Variants in ENPP6 observed in about 807,000 individuals in gnomAD.
ENPP6 encodes the protein ectonucleotide pyrophosphatase/phosphodiesterase 6.
A neutral mutation model predicts 42.0 loss-of-function variants in ENPP6; 32 were observed. That is an observed-to-expected ratio of 0.76 (90% CI 0.58 to 1.02). The LOEUF (loss-of-function observed/expected upper bound fraction) is 1.02. ENPP6 is among the 50% of genes least tolerant of loss of function. The probability of loss-of-function intolerance (pLI) is 0.00; values close to 1 mark genes in which losing one functional copy is unlikely to be tolerated. For synonymous variants in ENPP6, 213 were observed against 216.0 expected (o/e 0.99, Z 0.12); for missense variants, 552 against 566.8 (o/e 0.97, Z 0.27).
chr4:184,123,573 C>A (rs545656485), intron 3 of ENPP6, among the ~76,000 whole-genome samples: 3 of 152,168 alleles, frequency 2.0e-5, no homozygotes, highest in Non-Finnish European at 4.4e-5. Context: ...CCAGAGATTT[C>A]TGAGACTGAC....
chr4:184,207,770 C>A (rs988715844), intron 1 of ENPP6, among the ~76,000 whole-genome samples: 1 of 152,170 alleles, frequency 6.6e-6, no homozygotes, highest in African/African-American at 2.4e-5. Flanking sequence ...TGTATTCATT[C>A]GCTTGGGCTG....
chr4:184,139,379 A>C (rs1385749527), intron 2 of ENPP6, among the ~76,000 whole-genome samples: 1 of 150,866 alleles, frequency 6.6e-6, no homozygotes, highest in African/African-American at 2.4e-5. Flanking sequence ...ATTATACTTT[A>C]AGTTTTCGGG....
At chr4:184,134,119 C>T (rs1736688595) in intron 2 of ENPP6, among the ~76,000 whole-genome samples, 1 of 108,008 alleles carries the variant, frequency 9.3e-6, no homozygotes, top group South Asian at 3.1e-4. Context: ...ACACTAACCT[C>T]ATTATGGAAG....
At chr4:184,108,796 T>C (rs1337287242) in intron 6 of ENPP6, among the ~76,000 whole-genome samples, 1 of 152,282 alleles carries the variant, frequency 6.6e-6, no homozygotes, top group Admixed American at 6.5e-5. Flanking sequence ...GACATTTGTG[T>C]TCATGGACAT....
intron 1 of ENPP6, among the ~76,000 whole-genome samples, chr4:184,198,553 G>A (rs1224169713): frequency 1.3e-5 from 2 of 152,186 alleles, no homozygotes; most frequent in Non-Finnish European, 2.9e-5. Flanking sequence ...CCTGAGCCCT[G>A]GCTGGTCACC....
intron 6 of ENPP6, among the ~76,000 whole-genome samples, chr4:184,104,855 C>T (rs927459404): frequency 6.6e-6 from 1 of 152,216 alleles, no homozygotes; most frequent in African/African-American, 2.4e-5. Context: ...ATGCCAAAGA[C>T]CTGCCCTCAG....
chr4:184,167,718 G>A (rs532863550), intron 1 of ENPP6, among the ~76,000 whole-genome samples: 3 of 152,170 alleles, frequency 2.0e-5, no homozygotes, highest in African/African-American at 7.2e-5. Flanking sequence ...CACGGCCTCG[G>A]GCCAGGTGCG....
rs1249094640 is a variant in ENPP6, at chr4:184,217,711, C to T, written c.109G>A (p.Asp37Asn). The change falls in exon 1 of 8, where the codon GAC (aspartate) becomes AAC (asparagine). Residue 37 changes from aspartate (D) to asparagine (N), a missense_variant. By Grantham distance (23) the Asp-to-Asn change is conservative. Around this residue, in one of 2 missense-constraint regions of ENPP6, gnomAD observed 545 missense variants for 546.3 expected, o/e 1.00. Transcript: ENST00000296741. ...TCCAGCGCCTCATCACTGATGTAGT[C>T]TGAGCGAAAACCATCCAGCAGAAAC... ...LVFLLDGFRS[D>N]YISDEALESL... 1.2e-6 allele frequency: 2 copies of T among 1,614,218 alleles called. No individual in the cohort carries two copies. The highest frequency in any genetic ancestry group is 2.2e-5 in the South Asian group (2 of 91,086).
At position 184,208,727 on chromosome 4, in the gene ENPP6, T is replaced by C. The variant is rs1245899933; in HGVS notation, c.241+8852A>G. Among the ~76,000 whole-genome samples the C allele has an allele frequency of 1.1e-4, 16 of 147,156 alleles. 1 individual carries two copies. In the East Asian group the frequency reaches 1.8e-3, roughly 16 times the overall value. ...AAGCAGCAGGGAAGCTCGAACTGGG[T>C]GGAGCCCACCACAGCTCAAGGAGGC... is the stretch of plus-strand genomic sequence containing the variant. On this transcript the variant is annotated intron_variant, in intron 1 of 7. Coordinates refer to ENST00000296741, the MANE Select transcript of ENPP6 (RefSeq NM_153343.4).
chr4:184,097,983 A>AGCCCACGGGGC (rs1296977653), intron 6 of ENPP6, among the ~76,000 whole-genome samples: 3 of 152,220 alleles, frequency 2.0e-5, no homozygotes, highest in Admixed American at 2.0e-4. Flanking sequence ...CCCCACGTGA[A>AGCCCACGGGGC]GCCCACGGGG....
intron 6 of ENPP6, among the ~76,000 whole-genome samples, chr4:184,107,917 TAAA>T (rs34041004): frequency 5.2e-5 from 6 of 115,936 alleles, no homozygotes; most frequent in Admixed American, 8.8e-5. Context: ...TCAGTCTCAA[TAAA>T]AAAAAAAAAA....
intron 2 of ENPP6, among the ~76,000 whole-genome samples, chr4:184,130,235 G>A (rs898352802): frequency 3.9e-5 from 6 of 152,110 alleles, no homozygotes; most frequent in Non-Finnish European, 5.9e-5. Context: ...AGGATAAGCC[G>A]ATGTGCTGAC....
chr4:184,094,466 T>C (rs1735862889), intron 7 of ENPP6, among the ~76,000 whole-genome samples: 1 of 152,282 alleles, frequency 6.6e-6, no homozygotes, highest in African/African-American at 2.4e-5. Flanking sequence ...GGCCTCCTGC[T>C]GCGCAGGGAT....
chr4:184,203,144 AG>A (rs1732932564), intron 1 of ENPP6, among the ~76,000 whole-genome samples: 1 of 151,918 alleles, frequency 6.6e-6, no homozygotes, highest in African/African-American at 2.4e-5. Context: ...CCAGCTACTC[AG>A]GAGGCTGAGG....
chr4:184,126,126 C>T (rs954314150), intron 2 of ENPP6, among the ~76,000 whole-genome samples: 5 of 152,266 alleles, frequency 3.3e-5, no homozygotes, highest in African/African-American at 9.6e-5. Flanking sequence ...ATAAGAGAAA[C>T]GCATCCTTTT....
chr4:184,149,783 T>C (rs1381949163), intron 2 of ENPP6, among the ~76,000 whole-genome samples: 1 of 152,192 alleles, frequency 6.6e-6, no homozygotes, highest in East Asian at 1.9e-4. Context: ...AAAAATAAAC[T>C]TAAAAACTGC....
chr4:184,178,893 A>G (rs554480089), intron 1 of ENPP6, among the ~76,000 whole-genome samples: 1 of 152,360 alleles, frequency 6.6e-6, no homozygotes, highest in African/African-American at 2.4e-5. Context: ...TATGGAAAGG[A>G]AAAACCATTA....
At chr4:184,095,377 C>T (rs1204686628) in intron 7 of ENPP6, among the ~76,000 whole-genome samples, 2 of 152,000 alleles carry the variant, frequency 1.3e-5, no homozygotes, top group Non-Finnish European at 2.9e-5. Context: ...TCCTGAGACT[C>T]GGCTGGGCGT....
intron 7 of ENPP6, among the ~76,000 whole-genome samples, chr4:184,092,706 G>T (rs944873906): frequency 1.3e-5 from 2 of 152,232 alleles, no homozygotes; most frequent in African/African-American, 4.8e-5. Flanking sequence ...GCTACATTAA[G>T]GTTGAATTCA....
Sources: gnomAD v4.1 joint callset for allele counts (sites outside exome capture counted in the v4.1 genomes callset) on GRCh38, gnomAD v4.1.1 for gene constraint, gnomAD v4.1.1 regional missense constraint, MANE v1.5 for transcripts, NCBI Gene and HGNC (gene_info 2026-07-23, HGNC 2026-07-21) for gene names.